The following RANGAP1 variants were observed in gnomAD, a reference collection of about 807,000 sequenced individuals.
The protein encoded by RANGAP1 is ran GTPase-activating protein 1.
RANGAP1 carries 38 observed loss-of-function variants against 63.5 expected under a neutral mutation model. That is an observed-to-expected ratio of 0.60 (90% confidence interval 0.46 to 0.78). RANGAP1 has a LOEUF of 0.78. Ranked by LOEUF, RANGAP1 falls within the 30% of genes least tolerant of loss-of-function variation. The pLI, the probability that RANGAP1 is intolerant of heterozygous loss-of-function variation, is 0.00. For synonymous variants in RANGAP1, 329 were observed against 310.5 expected, an observed-to-expected ratio of 1.06 and a Z score of -0.63; for missense variants, 630 against 740.3, an observed-to-expected ratio of 0.85 and a Z score of 1.73.
intron 12 of RANGAP1, among the ~76,000 whole-genome samples, chr22:41,252,280 C>T (rs1272681184): frequency 1.3e-5 from 2 of 151,854 alleles, no homozygotes; most frequent in South Asian, 2.1e-4. Context: ...CCAGCCTGGG[C>T]GACAGAGTGA....
At chr22:41,275,555 C>T (rs946676757) in intron 2 of RANGAP1, among the ~76,000 whole-genome samples, 2 of 151,358 alleles carry the variant, frequency 1.3e-5, no homozygotes, top group African/African-American at 2.4e-5. Context: ...CCAAGGCAGG[C>T]GGATCACAAG....
At chr22:41,289,641 C>T (rs2035815149), upstream of RANGAP1, among the ~76,000 whole-genome samples, 1 of 152,012 alleles carries the variant, frequency 6.6e-6, no homozygotes, top group African/African-American at 2.4e-5. Context: ...AGAATCATCA[C>T]TGTTTCCAAG....
intron 1 of RANGAP1, chr22:41,281,732 A>AGGTAGCAG: frequency 1.4e-6 from 1 of 731,962 alleles, no homozygotes; most frequent in Non-Finnish European, 1.7e-6. Flanking sequence ...CAGGGCTGCT[A>AGGTAGCAG]CCTATGAAGC....
chr22:41,271,667 C>T (rs1381974673), intron 3 of RANGAP1, among the ~76,000 whole-genome samples: 1 of 150,618 alleles, frequency 6.6e-6, no homozygotes, highest in Non-Finnish European at 1.5e-5. Flanking sequence ...GCACTCCAGC[C>T]TGGGGACAGA....
At chr22:41,297,421 C>G in the RANGAP1 span, among the ~76,000 whole-genome samples, 1 of 152,040 alleles carries the variant, frequency 6.6e-6, no homozygotes, top group Non-Finnish European at 1.5e-5. Flanking sequence ...CAAAAGCACC[C>G]AGAATGTTTG....
At chr22:41,298,313 TTTG>T in the RANGAP1 span, among the ~76,000 whole-genome samples, 27 of 150,786 alleles carry the variant, frequency 1.8e-4, no homozygotes, top group African/African-American at 3.7e-4. Flanking sequence ...ACCTGGCTAA[TTTG>T]TTGTTGTTGT....
intron 4 of RANGAP1, among the ~76,000 whole-genome samples, chr22:41,265,931 G>A (rs972779960): frequency 1.3e-4 from 20 of 151,678 alleles, no homozygotes; most frequent in Non-Finnish European, 2.4e-4. Flanking sequence ...GGCTGGGTGC[G>A]GTGGCTCACG....
At chr22:41,261,333 G>T in intron 6 of RANGAP1, 113 bp downstream of exon 6, 1 of 1,481,534 alleles carries the variant, frequency 6.7e-7, no homozygotes. Context: ...GGCACGTGAC[G>T]CCCCAGGTCT....
At chr22:41,270,747 C>T (rs973485923) in intron 3 of RANGAP1, among the ~76,000 whole-genome samples, 2 of 152,330 alleles carry the variant, frequency 1.3e-5, no homozygotes, top group East Asian at 1.9e-4. Flanking sequence ...CGCATATCCA[C>T]CAATAAAGCA....
chr22:41,279,800 C>CAA (rs139530), intron 2 of RANGAP1, among the ~76,000 whole-genome samples: 2 of 122,066 alleles, frequency 1.6e-5, no homozygotes. Flanking sequence ...AGACTCATCT[C>CAA]AAAAAAAAAA....
At chr22:41,261,630 C>A in intron 5 of RANGAP1, 50 bp from the exon 6 acceptor site, 2 of 1,611,990 alleles carry the variant, frequency 1.2e-6, no homozygotes, top group South Asian at 2.2e-5. Context: ...CCCCTTCTCC[C>A]AGCGGGGTGG....
chr22:41,274,761 T>C, intron 2 of RANGAP1, 34 bp from the exon 3 acceptor site: 1 of 1,611,644 alleles, frequency 6.2e-7, no homozygotes, highest in East Asian at 2.2e-5. Flanking sequence ...CCTTAGGCTT[T>C]TGGAATCACA....
At chr22:41,282,892 G>A (rs116387294) in intron 1 of RANGAP1, among the ~76,000 whole-genome samples, 3,358 of 152,242 alleles carry the variant, frequency 0.022, 127 homozygotes, top group African/African-American at 0.077. Flanking sequence ...GCAGATATGA[G>A]GGGCAGAACT....
upstream of RANGAP1, among the ~76,000 whole-genome samples, chr22:41,286,598 T>A (rs564493965): frequency 6.6e-6 from 1 of 152,200 alleles, no homozygotes; most frequent in East Asian, 1.9e-4. Flanking sequence ...GACACAGGTA[T>A]CCATTTCCCG....
chr22:41,279,174 C>T (rs1332021006), intron 2 of RANGAP1, among the ~76,000 whole-genome samples: 1 of 149,108 alleles, frequency 6.7e-6, no homozygotes, highest in Admixed American at 6.7e-5. Flanking sequence ...AATACAAACA[C>T]AAAAATAGGC....
Position 41,256,816 on chromosome 22 carries a change from C to T in RANGAP1, c.783G>A (p.Lys261=), listed in dbSNP as rs1172211681. Reference sequence around the variant, plus strand: ...TAATCACCTCCACCTGCCGCAAGGTCTTCAAGGTCTGTGAGGGGGAAGCAA... The same window carrying T: ...TAATCACCTCCACCTGCCGCAAGGTTTTCAAGGTCTGTGAGGGGGAAGCAA... ...KGAVAMAETL[K]TLRQVEVINF... is the part of the protein sequence containing the mutation. Residue 261 remains lysine, a synonymous_variant, in exon 8 of 16, where the codon AAG becomes AAA. Coordinates refer to ENST00000356244, the MANE Select transcript of RANGAP1 (RefSeq NM_002883.4). 1 of 1,613,878 alleles carries T rather than the reference C, an allele frequency of 6.2e-7. No individual in the cohort carries two copies. Among genetic ancestry groups the T allele is most frequent in the Non-Finnish European group, 8.5e-7 (1 of 1,179,808 alleles).
At chr22:41,252,753 C>A (rs1474319552) in intron 12 of RANGAP1, 119 bp downstream of exon 12, 1 of 1,203,302 alleles carries the variant, frequency 8.3e-7, no homozygotes, top group Non-Finnish European at 1.1e-6. Context: ...GCAGGCCAAG[C>A]CTCCCTGCCC....
Position 41,255,374 on chromosome 22 carries a change from G to A in RANGAP1, c.1073+647C>T, listed in dbSNP as rs1230134245. ...GAGATGCGAGGGGCACAGGGAGCCC[G>A]ATGCTGATGGCCCAACCGGACTTGG... On this transcript the variant is annotated intron_variant, in intron 10 of 15. Coordinates refer to ENST00000356244, the MANE Select transcript of RANGAP1 (RefSeq NM_002883.4). Among the ~76,000 whole-genome samples the A allele has an allele frequency of 2.0e-5, 3 of 152,282 alleles. No homozygotes were observed. The South Asian group carries it at 6.2e-4, about 32-fold the overall frequency.
At position 41,281,017 on chromosome 22, in the gene RANGAP1, C is replaced by T; in HGVS notation, c.28G>A (p.Ala10Thr). 1 of 1,610,008 alleles carries T rather than the reference C, an allele frequency of 6.2e-7. No individual in the cohort carries two copies. Among genetic ancestry groups the T allele is most frequent in the Non-Finnish European group, 8.5e-7 (1 of 1,178,192 alleles). Residue 10 changes from alanine to threonine, a missense_variant, in exon 2 of 16, where the codon GCA becomes ACA. Ala to Thr is a moderately conservative substitution (Grantham distance 58). Coordinates refer to ENST00000356244, the MANE Select transcript of RANGAP1 (RefSeq NM_002883.4). The stretch of plus-strand genomic sequence containing the variant: ...ACCTGAGTCTTGGCAAGTGTCTCTG[C>T]CAGCTTGGCAATGTCTTCCGAGGCC... MASEDIAKL[A>T]ETLAKTQVAG...
Sources: gnomAD v4.1 joint callset for allele counts (sites outside exome capture counted in the v4.1 genomes callset) on GRCh38, gnomAD v4.1.1 for gene constraint, MANE v1.5 for transcripts, NCBI Gene and HGNC (gene_info 2026-07-23, HGNC 2026-07-21) for gene names.